Variants in EFTUD2 observed in about 807,000 individuals in gnomAD.
EFTUD2 encodes 116 kDa U5 small nuclear ribonucleoprotein component.
A neutral mutation model predicts 114.3 loss-of-function variants in EFTUD2; 9 were observed. The ratio of observed to expected loss-of-function variants is 0.08; its 90% CI spans 0.05 to 0.14. The LOEUF (loss-of-function observed/expected upper bound fraction) is 0.14, where lower values mean the gene tolerates loss of function less well. Among genes scored for constraint, EFTUD2 ranks in the 10% least tolerant of loss-of-function variants. EFTUD2 has a pLI of 1.00. For missense variants in EFTUD2, 765 were observed against 1,241.2 expected (o/e 0.62, Z 5.76); for synonymous variants, 449 against 462.3 (o/e 0.97, Z 0.37).
chr17:44,886,853 G>A (rs2051184280), intron 2 of EFTUD2, 103 bp from the exon 3 acceptor site: 1 of 1,496,408 alleles, frequency 6.7e-7, no homozygotes, highest in South Asian at 1.3e-5. Flanking sequence ...ATGCTGGCCA[G>A]CTTCTTATTC....
At chr17:44,891,010 T>A (rs139366786) in intron 2 of EFTUD2, among the ~76,000 whole-genome samples, 70 of 152,182 alleles carry the variant, frequency 4.6e-4, no homozygotes, top group African/African-American at 1.5e-3. Context: ...TTGGTGTCTA[T>A]CACTAAGAGA....
At chr17:44,894,321 G>A in intron 2 of EFTUD2, 96 bp downstream of exon 2, 10 of 1,019,030 alleles carry the variant, frequency 9.8e-6, no homozygotes, top group Admixed American at 1.8e-5. Context: ...AGTGAGCTGA[G>A]ATTGCGCCAC....
At position 44,854,050 on chromosome 17, in the gene EFTUD2, A is replaced by G. The variant is rs1270104410; in HGVS notation, c.2347+219T>C. The G allele has an allele frequency of 7.2e-7, 1 of 1,382,460 alleles. No homozygotes were observed. Among genetic ancestry groups the G allele is most frequent in the Non-Finnish European group, 9.3e-7 (1 of 1,073,670 alleles). 85.6% of individuals were successfully genotyped at this position (1,382,460 alleles called of 1,614,324 possible). ...CGCCAAACCCTTCTCAGAAATGAGG[A>G]GCAAATGACAGTTTAGAAATGACTT... is the stretch of plus-strand genomic sequence containing the variant. On this transcript the variant is annotated intron_variant, in intron 23 of 27. Transcript: ENST00000426333. The surrounding 1 kb of genome is among the most constrained non-coding windows in gnomAD (Gnocchi z 4.3).
At chr17:44,856,581 T>C (rs2050558756) in intron 20 of EFTUD2, among the ~76,000 whole-genome samples, 1 of 151,996 alleles carries the variant, frequency 6.6e-6, no homozygotes, top group African/African-American at 2.4e-5. Context: ...CTCACACCTG[T>C]AATCCCAACA....
chr17:44,875,958 A>G lies in EFTUD2; in HGVS notation c.845T>C (p.Val282Ala). ...CCTTATTAATCCATTGACCTCATCCACAATGTGGCGCAGCTTGTAATAAGC... is the reference window on the plus strand; with the variant it reads ...CCTTATTAATCCATTGACCTCATCCGCAATGTGGCGCAGCTTGTAATAAGC... ...TDAYYKLRHI[V>A]DEVNGLISMY... The change falls in exon 10 of 28, where the codon GTG becomes GCG. Residue 282 changes from valine to alanine, a missense_variant. Around this residue, in one of 6 missense-constraint regions of EFTUD2, gnomAD observed 251 missense variants for 357.7 expected, o/e 0.70. Coordinates refer to ENST00000426333, the MANE Select transcript of EFTUD2 (RefSeq NM_004247.4). The G allele has an allele frequency of 6.2e-7, 1 of 1,614,026 alleles. No individual in the cohort carries two copies. The highest frequency in any genetic ancestry group is 8.5e-7 in the Non-Finnish European group (1 of 1,180,022).
At chr17:44,877,546 C>T (rs2050985985) in intron 9 of EFTUD2, among the ~76,000 whole-genome samples, 1 of 152,212 alleles carries the variant, frequency 6.6e-6, no homozygotes, top group Non-Finnish European at 1.5e-5. Context: ...TGGCTCATGC[C>T]TGTAATCCCA....
intron 11 of EFTUD2, among the ~76,000 whole-genome samples, chr17:44,872,180 T>A (rs1388762802): frequency 6.6e-6 from 1 of 152,220 alleles, no homozygotes; most frequent in African/African-American, 2.4e-5. Context: ...AAAACCTGTC[T>A]CACTCTAGGA....
At chr17:44,858,015 G>C (rs1163880556) in intron 19 of EFTUD2, among the ~76,000 whole-genome samples, 1 of 145,284 alleles carries the variant, frequency 6.9e-6, no homozygotes, top group African/African-American at 2.6e-5. Flanking sequence ...TCTGCCACCC[G>C]GTTTCAAACA....
intron 5 of EFTUD2, among the ~76,000 whole-genome samples, chr17:44,883,371 T>C (rs564665299): frequency 4.8e-4 from 73 of 152,246 alleles, no homozygotes; most frequent in Admixed American, 4.4e-3. Flanking sequence ...CCTCAGGAAA[T>C]GAAAACTTAT....
chr17:44,885,941 T>G (rs946551454), intron 3 of EFTUD2, among the ~76,000 whole-genome samples: 3 of 151,972 alleles, frequency 2.0e-5, no homozygotes, highest in Admixed American at 6.5e-5. Flanking sequence ...TGAAAACTAT[T>G]AAATGGACAA....
intron 5 of EFTUD2, 35 bp downstream of exon 5, chr17:44,883,614 A>G: frequency 6.3e-7 from 1 of 1,593,900 alleles, no homozygotes; most frequent in Non-Finnish European, 8.6e-7. Flanking sequence ...ACAAAAGAGA[A>G]ATCCTGTTCC....
rs2050720635 is a variant in EFTUD2 at position 44,865,042 on chromosome 17, G to T, written c.1173C>A (p.Ser391Arg). The change falls in exon 14 of 28, where the codon AGC (serine) becomes AGA (arginine). Residue 391 changes from serine to arginine, a missense_variant. Coordinates refer to ENST00000426333, the MANE Select transcript of EFTUD2 (RefSeq NM_004247.4). The part of the protein sequence containing the change: ...LAQVVGDVDT[S>R]LPRTLDELGI... ...CAAGCTCGTCTAGGGTCCGTGGGAG[G>T]CTGGTGTCCACGTCACCTACAACCT... The T allele has an allele frequency of 6.2e-7, 1 of 1,614,186 alleles. No homozygotes were observed.
chr17:44,891,289 G>C (rs947871381), intron 2 of EFTUD2, among the ~76,000 whole-genome samples: 5 of 152,196 alleles, frequency 3.3e-5, no homozygotes, highest in Non-Finnish European at 7.3e-5. Context: ...AATAACAGCA[G>C]AGCTCTCACA....
At chr17:44,866,114 T>G (rs2050742605) in intron 13 of EFTUD2, among the ~76,000 whole-genome samples, 1 of 152,256 alleles carries the variant, frequency 6.6e-6, no homozygotes, top group African/African-American at 2.4e-5. Flanking sequence ...CCGGCCACGT[T>G]ATATTCTTTG....
In EFTUD2 at chr17:44,894,462, A is replaced by T; in HGVS notation, c.60T>A (p.Asp20Glu). The T allele has an allele frequency of 6.2e-7, 1 of 1,614,204 alleles. No homozygotes were observed. The highest frequency in any genetic ancestry group is 8.5e-7 in the Non-Finnish European group (1 of 1,180,006). The change falls in exon 2 of 28, where the codon GAT becomes GAA. Residue 20 changes from aspartate (D) to glutamate (E), a missense_variant. By Grantham distance (45) the Asp-to-Glu change is conservative. Around this residue, in one of 6 missense-constraint regions of EFTUD2, gnomAD observed 121 missense variants for 133.7 expected, o/e 0.90. Coordinates refer to ENST00000426333, the MANE Select transcript of EFTUD2 (RefSeq NM_004247.4). ...GNYIGPELDS[D>E]EDDDELGRET... ...CTCTACCCAATTCATCATCATCTTC[A>T]TCAGAATCAAGCTCTGGTCCAATAT... is the stretch of plus-strand genomic sequence containing the variant.
intron 13 of EFTUD2, among the ~76,000 whole-genome samples, chr17:44,866,817 C>T (rs1383938889): frequency 1.3e-5 from 2 of 152,154 alleles, no homozygotes; most frequent in Admixed American, 1.3e-4. Flanking sequence ...ACAAACAATG[C>T]TATAAGCTGA....
chr17:44,877,679 G>A (rs545027090), intron 9 of EFTUD2, among the ~76,000 whole-genome samples: 9 of 150,932 alleles, frequency 6.0e-5, no homozygotes, highest in South Asian at 4.2e-4. Context: ...GGTGGCAGGC[G>A]CCTGTAGTCC....
At chr17:44,885,223 C>A in intron 4 of EFTUD2, 33 bp downstream of exon 4, 1 of 1,555,348 alleles carries the variant, frequency 6.4e-7, no homozygotes, top group East Asian at 2.2e-5. Context: ...CCACAGCATT[C>A]CTGCAGAGAA....
In EFTUD2 at chr17:44,851,355, A is replaced by G. The variant is rs1443376673; in HGVS notation, c.2838T>C (p.Asp946=). 3 of 1,613,772 alleles carry G rather than the reference A, an allele frequency of 1.9e-6. No individual in the cohort carries two copies. The highest frequency in any genetic ancestry group is 2.7e-5 in the African/African-American group (2 of 74,918). Residue 946 remains aspartate, a synonymous_variant, in exon 28 of 28, where the codon GAT becomes GAC. Coordinates refer to ENST00000426333, the MANE Select transcript of EFTUD2 (RefSeq NM_004247.4). ...KTRRRKGLSE[D]VSISKFFDDP... ...CATCGAAGAATTTGCTGATGCTCAC[A>G]TCTTCACTGAGGCCCTGCAGGGAAT...
Sources: gnomAD v4.1 joint callset for allele counts (sites outside exome capture counted in the v4.1 genomes callset) on GRCh38, gnomAD v4.1.1 for gene constraint, gnomAD v4.1.1 regional missense constraint, Gnocchi (gnomAD v3.1) non-coding constraint, MANE v1.5 for transcripts, NCBI Gene and HGNC (gene_info 2026-07-23, HGNC 2026-07-21) for gene names.